CD2AP: variants seen among roughly 807,000 people sequenced by gnomAD.
CD2AP encodes the protein CD2 associated protein, also known as CD2-associated protein.
In CD2AP, 46 loss-of-function variants were observed where a neutral mutation model predicts 85.1. That is an observed-to-expected ratio of 0.54 (90% CI 0.43 to 0.69). The LOEUF (loss-of-function observed/expected upper bound fraction) is 0.69, where lower values mean the gene tolerates loss of function less well. CD2AP is among the 30% of genes least tolerant of loss of function. The pLI, the probability that CD2AP is intolerant of heterozygous loss-of-function variation, is 0.00. For synonymous variants in CD2AP, 255 were observed against 252.9 expected (o/e 1.01, Z -0.08); for missense variants, 769 against 729.5 (o/e 1.05, Z -0.62).
chr6:47,563,075 C>T (rs1767904399), intron 5 of CD2AP: 1 of 258,092 alleles, frequency 3.9e-6, no homozygotes, highest in Non-Finnish European at 7.6e-6. Context: ...ATAGTTTGAA[C>T]TCTGCTATAA....
Position 47,566,323 on chromosome 6 carries a change from T to TATATATATATATACACAC in CD2AP, c.542-7740_542-7739insTATATATATATACACACA. Among the ~76,000 whole-genome samples, 1,062 of 108,264 alleles carry TATATATATATATACACAC rather than the reference T, an allele frequency of 9.8e-3. 22 individuals carry two copies. Among genetic ancestry groups the TATATATATATATACACAC allele is most frequent in the African/African-American group, 0.021 (714 of 34,332 alleles). 71.0% of individuals were successfully genotyped at this position (108,264 alleles called of 152,430 possible). ...TAGAATATATATATATATATATATA[T>TATATATATATATACACAC]ACACATACACATATATATATATGTA... On this transcript the variant is annotated intron_variant, in intron 5 of 17. Coordinates refer to ENST00000359314, the MANE Select transcript of CD2AP (RefSeq NM_012120.3).
chr6:47,569,904 A>C (rs1768104294), intron 5 of CD2AP, among the ~76,000 whole-genome samples: 1 of 152,118 alleles, frequency 6.6e-6, no homozygotes, highest in African/African-American at 2.4e-5. Context: ...TGGAGTTTTG[A>C]TGCCCTTACT....
chr6:47,548,177 G>T (rs1278571322), intron 4 of CD2AP, among the ~76,000 whole-genome samples: 1 of 151,736 alleles, frequency 6.6e-6, no homozygotes, highest in Non-Finnish European at 1.5e-5. Context: ...ACCCAAACTC[G>T]GCAGAAGAAA....
chr6:47,550,224 A>G (rs1332605945), intron 4 of CD2AP, among the ~76,000 whole-genome samples: 2 of 152,196 alleles, frequency 1.3e-5, no homozygotes, highest in African/African-American at 4.8e-5. Context: ...TAATTAAACT[A>G]AAGAGCTTTT....
In CD2AP at chr6:47,624,892, A is replaced by T. The variant is rs896786859; in HGVS notation, c.*665A>T. 14 of 151,882 alleles carry T rather than the reference A, an allele frequency of 9.2e-5. No individual in the cohort carries two copies. The highest frequency in any genetic ancestry group is 3.1e-4 in the African/African-American group (13 of 41,392). The allele number at this position is 151,882 out of a possible 1,614,324, so 9.4% of individuals were successfully genotyped here. On this transcript the variant is annotated 3_prime_UTR_variant, in exon 18 of 18. Coordinates refer to ENST00000359314, the MANE Select transcript of CD2AP (RefSeq NM_012120.3). ...TAAGAACTAATGAATAATCAAAATA[A>T]TTTCATCAACTTTTAGAATATTTTA...
intron 2 of CD2AP, among the ~76,000 whole-genome samples, chr6:47,524,208 G>C (rs1766666457): frequency 6.6e-6 from 1 of 151,990 alleles, no homozygotes; most frequent in South Asian, 2.1e-4. Context: ...TTTCAGATTG[G>C]TCACTACTGT....
chr6:47,552,725 G>A (rs575675814), intron 4 of CD2AP, among the ~76,000 whole-genome samples: 11 of 152,092 alleles, frequency 7.2e-5, no homozygotes, highest in South Asian at 2.1e-4. Context: ...GTTTCTCTCC[G>A]TTTGTTGTAT....
Position 47,589,565 on chromosome 6 carries a change from C to CACATATATATATATATATATATATATAT in CD2AP, c.1109-6295_1109-6294insCATATATATATATATATATATATATATA, listed in dbSNP as rs139814970. Among the ~76,000 whole-genome samples, 169 of 120,900 alleles carry CACATATATATATATATATATATATATAT rather than the reference C, an allele frequency of 1.4e-3. 2 individuals are homozygous for CACATATATATATATATATATATATATAT. The highest frequency in any genetic ancestry group is 4.3e-3 in the South Asian group (14 of 3,272). The allele number at this position is 120,900 out of a possible 152,430, so 79.3% of individuals were successfully genotyped here. A position where few individuals can be genotyped will look rare whatever the true frequency, so the allele number is the denominator to read the frequency against. The stretch of plus-strand genomic sequence containing the variant: ...ACACATATATATACACACACACACA[C>CACATATATATATATATATATATATATAT]ATATATATATATATATTTGTCAGAG... On this transcript the variant is annotated intron_variant, in intron 11 of 17. Transcript: ENST00000359314.
In CD2AP at chr6:47,623,127, C is replaced by T. The variant is rs145227776; in HGVS notation, c.1879-1059C>T. 5.7e-3 allele frequency among the ~76,000 whole-genome samples: 871 copies of T among 152,314 alleles called. 15 individuals carry two copies. The highest frequency in any genetic ancestry group is 8.8e-3 in the Non-Finnish European group (599 of 68,028). ...ATTGAGCTAATCATCATAATATTTACAGAATCATATCAAGGAAGATCCTGA... is the reference window on the plus strand; with the variant it reads ...ATTGAGCTAATCATCATAATATTTATAGAATCATATCAAGGAAGATCCTGA... On this transcript the variant is annotated intron_variant, in intron 17 of 17. Coordinates refer to ENST00000359314, the MANE Select transcript of CD2AP (RefSeq NM_012120.3).
intron 1 of CD2AP, chr6:47,489,283 T>G (rs1353065397): frequency 6.6e-6 from 1 of 150,886 alleles, no homozygotes; most frequent in African/African-American, 2.4e-5. Context: ...TTCTCTTGCC[T>G]CAGCCTCCTG....
chr6:47,479,559 G>T (rs1185803115), intron 1 of CD2AP, among the ~76,000 whole-genome samples: 3 of 152,134 alleles, frequency 2.0e-5, no homozygotes, highest in African/African-American at 7.2e-5. Context: ...ATTTTCAAAT[G>T]AATTATTTTA....
At chr6:47,511,702 C>T (rs547646203) in intron 2 of CD2AP, among the ~76,000 whole-genome samples, 1 of 152,162 alleles carries the variant, frequency 6.6e-6, no homozygotes, top group East Asian at 1.9e-4. Flanking sequence ...ATGGATAATA[C>T]ACAAATTAAT....
rs759008154 is a variant in CD2AP, at chr6:47,582,083, C to G, written c.1108+18C>G. 1 of 1,477,638 alleles carries G rather than the reference C, an allele frequency of 6.8e-7. No individual in the cohort carries two copies. Among genetic ancestry groups the G allele is most frequent in the Non-Finnish European group, 9.5e-7 (1 of 1,055,870 alleles). 91.5% of individuals were successfully genotyped at this position (1,477,638 alleles called of 1,614,324 possible). A position where few individuals can be genotyped will look rare whatever the true frequency, so the allele number is the denominator to read the frequency against. On this transcript the variant is annotated intron_variant, in intron 11 of 17. Transcript: ENST00000359314. ...AGAAAAGGGTGAGGCTAATTTTCAA[C>G]TTTCAAAAAAGCAATTATTTCTTTT... is the stretch of plus-strand genomic sequence containing the variant.
intron 12 of CD2AP, among the ~76,000 whole-genome samples, chr6:47,597,643 A>G (rs1248309841): frequency 6.6e-6 from 1 of 150,900 alleles, no homozygotes; most frequent in African/African-American, 2.4e-5. Context: ...TACTGAAGAC[A>G]AAGGAACCCA....
At chr6:47,602,498 A>T (rs980281309) in intron 13 of CD2AP, among the ~76,000 whole-genome samples, 1 of 152,040 alleles carries the variant, frequency 6.6e-6, no homozygotes, top group African/African-American at 2.4e-5. Context: ...AGAAAATTTT[A>T]TAGTAACATA....
At chr6:47,533,536 A>G in intron 2 of CD2AP, 66 bp from the exon 3 acceptor site, 1 of 1,476,120 alleles carries the variant, frequency 6.8e-7, no homozygotes, top group Non-Finnish European at 9.3e-7. Flanking sequence ...TTGGTATTTT[A>G]CATTTGAGGA....
rs530731571 is a variant in CD2AP at position 47,507,185 on chromosome 6, C to T, written c.165+3745C>T. Among the ~76,000 whole-genome samples the T allele has an allele frequency of 5.9e-5, 9 of 152,314 alleles. 2 individuals are homozygous for T. In the South Asian group the frequency reaches 1.9e-3, roughly 32 times the overall value. On this transcript the variant is annotated intron_variant, in intron 2 of 17. Transcript: ENST00000359314. ...TATCACAAGGTTGCAATAATTCAGT[C>T]ACATCTTTATGCTTCACTTCTAATT...
chr6:47,589,402 A>G (rs900758519), intron 11 of CD2AP, among the ~76,000 whole-genome samples: 1 of 151,738 alleles, frequency 6.6e-6, no homozygotes, highest in African/African-American at 2.4e-5. Context: ...ACAAATGTAT[A>G]TACACACACA....
intron 5 of CD2AP, among the ~76,000 whole-genome samples, chr6:47,566,447 A>G (rs922528421): frequency 1.3e-5 from 2 of 151,842 alleles, no homozygotes; most frequent in African/African-American, 4.8e-5. Context: ...GAACTTTTCA[A>G]ACACTTTTGT....
Sources: allele counts gnomAD v4.1 joint callset (sites outside exome capture counted in the v4.1 genomes callset), GRCh38; gene constraint gnomAD v4.1.1; transcripts MANE v1.5; gene names NCBI Gene and HGNC (gene_info 2026-07-23, HGNC 2026-07-21).